GNS: variants seen among roughly 807,000 people sequenced by gnomAD.
GNS encodes N-acetylglucosamine-6-sulfatase.
A neutral mutation model predicts 69.7 loss-of-function variants in GNS; 40 were observed. The ratio of observed to expected loss-of-function variants is 0.57; its 90% CI spans 0.45 to 0.75. The LOEUF (loss-of-function observed/expected upper bound fraction) is 0.75. GNS is among the 30% of genes least tolerant of loss of function. GNS has a pLI of 0.00. For missense variants in GNS, 565 were observed against 685.5 expected (o/e 0.82, Z 1.96); for synonymous variants, 243 against 251.6 (o/e 0.97, Z 0.32).
intron 7 of GNS, among the ~76,000 whole-genome samples, chr12:64,739,713 T>C (rs1869672143): frequency 6.6e-6 from 1 of 152,090 alleles, no homozygotes; most frequent in South Asian, 2.1e-4. Flanking sequence ...CTTCCCATTG[T>C]AAAAAACAGA....
Position 64,752,005 on chromosome 12 carries a change from T to C in GNS, c.252+693A>G, listed in dbSNP as rs1361494253. On this transcript the variant is annotated intron_variant, in intron 2 of 13. Coordinates refer to ENST00000258145, the MANE Select transcript of GNS (RefSeq NM_002076.4). ...AAAGAAAAAATAAGTCAGGCACTGATAGAAGTGCTCTACACCTATTAACTC... is the reference window on the plus strand; with the variant it reads ...AAAGAAAAAATAAGTCAGGCACTGACAGAAGTGCTCTACACCTATTAACTC... Among the ~76,000 whole-genome samples, 4 of 149,022 alleles carry C rather than the reference T, an allele frequency of 2.7e-5. No individual in the cohort carries two copies. The South Asian group carries it at 6.4e-4, about 24-fold the overall frequency.
chr12:64,742,227 A>G (rs559745593), intron 6 of GNS, among the ~76,000 whole-genome samples: 169 of 152,170 alleles, frequency 1.1e-3, no homozygotes, highest in Middle Eastern at 6.8e-3. Context: ...TCACTGTGTT[A>G]GCCAGGATGG....
Position 64,725,995 on chromosome 12 carries a change from C to CAA in GNS, c.1201-2884_1201-2883dup, listed in dbSNP as rs34734900. Among the ~76,000 whole-genome samples, 85 of 49,216 alleles carry CAA rather than the reference C, an allele frequency of 1.7e-3. 4 individuals carry two copies. Among genetic ancestry groups the CAA allele is most frequent in the African/African-American group, 4.5e-3 (56 of 12,374 alleles). 32.3% of individuals were successfully genotyped at this position (49,216 alleles called of 152,430 possible). On this transcript the variant is annotated intron_variant, in intron 10 of 13. Transcript: ENST00000258145. Reference sequence around the variant, plus strand: ...TGGGCGACAGAGCTAGACTCTGTCTCAAAAAAAAAAAAAAAAAAAAAAAAA... The same window carrying CAA: ...TGGGCGACAGAGCTAGACTCTGTCTCAAAAAAAAAAAAAAAAAAAAAAAAAAA...
chr12:64,739,219 G>A (rs1331027299), intron 8 of GNS, among the ~76,000 whole-genome samples, 162 bp downstream of exon 8: 2 of 152,068 alleles, frequency 1.3e-5, no homozygotes, highest in Non-Finnish European at 2.9e-5. Flanking sequence ...TCTCCACGTG[G>A]GTATGATGTG....
At chr12:64,729,916 T>C (rs989838331) in intron 9 of GNS, among the ~76,000 whole-genome samples, 3 of 152,220 alleles carry the variant, frequency 2.0e-5, no homozygotes, top group African/African-American at 2.4e-5. Context: ...AAAAAATCAA[T>C]GAGATTTAAC....
At chr12:64,732,736 C>T (rs1470798554) in intron 9 of GNS, among the ~76,000 whole-genome samples, 4 of 152,154 alleles carry the variant, frequency 2.6e-5, no homozygotes, top group African/African-American at 9.7e-5. Flanking sequence ...GCTGGCATTA[C>T]AGGCGTGAGC....
intron 9 of GNS, among the ~76,000 whole-genome samples, chr12:64,730,044 A>AT (rs1348258616): frequency 1.3e-5 from 2 of 152,238 alleles, no homozygotes; most frequent in African/African-American, 2.4e-5. Context: ...CCTAGAGAGA[A>AT]TGTAAGCATA....
chr12:64,721,630 A>C lies in GNS; in HGVS notation c.1384T>G (p.Trp462Gly), dbSNP rs1565880692. The change falls in exon 12 of 14, where the codon TGG becomes GGG. Residue 462 changes from tryptophan to glycine, a missense_variant. Trp to Gly is a radical substitution (Grantham distance 184). Coordinates refer to ENST00000258145, the MANE Select transcript of GNS (RefSeq NM_002076.4). Reference protein sequence around the residue: ...YACVRTMSALWNLQYCEFDDQ... With the variant: ...YACVRTMSALGNLQYCEFDDQ... ...TCAAACTCGCAATACTGCAAATTCC[A>C]CAATGCTGACATTGTCCTCACACAG... 6.3e-7 allele frequency: 1 copy of C among 1,594,882 alleles called. No homozygotes were observed. The highest frequency in any genetic ancestry group is 2.2e-5 in the East Asian group (1 of 44,784).
At chr12:64,725,342 T>C (rs892340515) in intron 10 of GNS, among the ~76,000 whole-genome samples, 6 of 152,180 alleles carry the variant, frequency 3.9e-5, no homozygotes, top group African/African-American at 1.4e-4. Context: ...GATATAACTT[T>C]ATTTACAGAA....
chr12:64,728,915 T>G (rs1435097191), intron 10 of GNS, 41 bp downstream of exon 10: 2 of 884,196 alleles, frequency 2.3e-6, no homozygotes, highest in Non-Finnish European at 3.9e-6. Context: ...CAGAATTTAT[T>G]GCGGTCTTGG....
intron 9 of GNS, among the ~76,000 whole-genome samples, chr12:64,734,471 A>G (rs904525477): frequency 2.6e-5 from 4 of 152,218 alleles, no homozygotes; most frequent in African/African-American, 9.6e-5. Context: ...AAAGCCCTAA[A>G]GGACAATTAA....
chr12:64,754,821 C>T (rs772484406), intron 1 of GNS, among the ~76,000 whole-genome samples: 4 of 150,810 alleles, frequency 2.7e-5, no homozygotes, highest in Admixed American at 1.3e-4. Context: ...CCCAGAAGTT[C>T]GAGGCTGCAG....
At chr12:64,753,273 C>G (rs1318656522) in intron 1 of GNS, among the ~76,000 whole-genome samples, 2 of 152,122 alleles carry the variant, frequency 1.3e-5, no homozygotes. Flanking sequence ...CCCACAAGCA[C>G]CTCAGGATAA....
chr12:64,749,734 T>G (rs1870016961), intron 2 of GNS, among the ~76,000 whole-genome samples: 2 of 152,204 alleles, frequency 1.3e-5, no homozygotes, highest in African/African-American at 4.8e-5. Context: ...TTCCCATTTT[T>G]ACTTTTGCCT....
At position 64,756,746 on chromosome 12, in the gene GNS, G is replaced by A. The variant is rs17100642; in HGVS notation, c.192+2339C>T. On this transcript the variant is annotated intron_variant, in intron 1 of 13. Transcript: ENST00000258145. ...GAGTCCTGTTTGACAATTAGTGGTA[G>A]AATATTCTGAAAAAGCCTAGAAGAG... 0.013 allele frequency: 18,741 copies of A among 1,497,424 alleles called. 2,021 individuals are homozygous for A. The African/African-American group carries it at 0.23, about 19-fold the overall frequency. 92.8% of individuals were successfully genotyped at this position (1,497,424 alleles called of 1,614,324 possible). A position where few individuals can be genotyped will look rare whatever the true frequency, so the allele number is the denominator to read the frequency against.
Position 64,723,089 on chromosome 12 carries a change from G to T in GNS, c.1225C>A (p.Arg409=). 6.2e-7 allele frequency: 1 copy of T among 1,609,668 alleles called. No individual in the cohort carries two copies. Among genetic ancestry groups the T allele is most frequent in the Non-Finnish European group, 8.5e-7 (1 of 1,175,964 alleles). ...ILRGASNLTW[R]SDVLVEYQGE... ...TGGTATTCCACCAGGACATCTGATC[G>T]CCAGGTCAAGTTACTGGCACCTCTC... The change falls in exon 11 of 14, where the codon CGA becomes AGA. Residue 409 remains arginine (R), a synonymous_variant. Coordinates refer to ENST00000258145, the MANE Select transcript of GNS (RefSeq NM_002076.4).
chr12:64,732,137 C>T (rs1339048788), intron 9 of GNS, among the ~76,000 whole-genome samples: 1 of 149,552 alleles, frequency 6.7e-6, no homozygotes, highest in Non-Finnish European at 1.5e-5. Flanking sequence ...CAGGCACCTG[C>T]CACCACACCT....
intron 3 of GNS, among the ~76,000 whole-genome samples, chr12:64,747,229 AT>A (rs1392233076): frequency 6.6e-6 from 1 of 152,234 alleles, no homozygotes. Flanking sequence ...TTTTGTTGCC[AT>A]GTTTCACATC....
At chr12:64,749,709 T>G (rs1870016315) in intron 2 of GNS, among the ~76,000 whole-genome samples, 1 of 152,178 alleles carries the variant, frequency 6.6e-6, no homozygotes, top group African/African-American at 2.4e-5. Context: ...AAGAATTCAG[T>G]CATGTTACAA....
Sources: allele counts gnomAD v4.1 joint callset (sites outside exome capture counted in the v4.1 genomes callset), GRCh38; gene constraint gnomAD v4.1.1; transcripts MANE v1.5; gene names NCBI Gene and HGNC (gene_info 2026-07-23, HGNC 2026-07-21).